The following GATA4 variants were observed in gnomAD, a reference collection of about 807,000 sequenced individuals.
GATA4 encodes the protein transcription factor GATA-4.
A neutral mutation model predicts 37.9 loss-of-function variants in GATA4; 7 were observed. The ratio of observed to expected loss-of-function variants is 0.18; its 90% CI spans 0.11 to 0.35. The LOEUF is 0.35. GATA4 is among the 10% of genes least tolerant of loss of function. The pLI is 1.00. For synonymous variants in GATA4, 372 were observed against 292.6 expected (o/e 1.27, Z -2.77); for missense variants, 647 against 653.0 (o/e 0.99, Z 0.10).
chr8:11,701,706 G>T (rs535999971), upstream of GATA4, among the ~76,000 whole-genome samples: 4 of 152,292 alleles, frequency 2.6e-5, no homozygotes, highest in South Asian at 8.3e-4. Flanking sequence ...AAGTTGGGGC[G>T]CTGGACCTAG....
chr8:11,694,742 T>C (rs1799454126), intron 1 of GATA4, among the ~76,000 whole-genome samples: 1 of 152,220 alleles, frequency 6.6e-6, no homozygotes, highest in African/African-American at 2.4e-5. Context: ...TCTGCCAGTC[T>C]TAACATCCAT....
rs1554499095 is a variant in GATA4 at position 11,758,335 on chromosome 8, C to T, written c.1192C>T (p.His398Tyr). The part of the protein sequence containing the change: ...SAMSGHGPSI[H>Y]PVLSALKLSP... ...GATGTCTGGCCATGGGCCCTCCATC[C>T]ACCCTGTCCTCTCGGCCCTGAAGCT... The change falls in exon 7 of 7, where the codon CAC becomes TAC. Residue 398 changes from histidine to tyrosine, a missense_variant. Physicochemically the swap from His to Tyr is moderately conservative, Grantham distance 83. Around this residue, in one of 5 missense-constraint regions of GATA4, gnomAD observed 184 missense variants for 157.1 expected, o/e 1.17. Transcript: ENST00000532059. The T allele has an allele frequency of 6.2e-7, 1 of 1,614,176 alleles. No individual in the cohort carries two copies. The highest frequency in any genetic ancestry group is 1.1e-5 in the South Asian group (1 of 91,082).
chr8:11,750,055 G>T, intron 3 of GATA4, 56 bp from the exon 4 acceptor site: 1 of 1,613,092 alleles, frequency 6.2e-7, no homozygotes. Context: ...ACGCGAGGTG[G>T]AAGGGCAGTG....
At chr8:11,733,986 G>A (rs1253557866) in intron 2 of GATA4, among the ~76,000 whole-genome samples, 4 of 152,262 alleles carry the variant, frequency 2.6e-5, no homozygotes, top group African/African-American at 9.6e-5. Flanking sequence ...TTTTGCCTTC[G>A]GCCTGCATGT....
In GATA4 at chr8:11,738,787, A is replaced by C. The variant is rs1801582830; in HGVS notation, c.617-10129A>C. 2.0e-5 allele frequency among the ~76,000 whole-genome samples: 3 copies of C among 152,174 alleles called. No homozygotes were observed. In the South Asian group the frequency reaches 6.2e-4, roughly 32 times the overall value. ...CAATGCCCAGGGTGTCTGCTTTCCC[A>C]CATCCCCCAACCCCAGGGCACAGTA... is the stretch of plus-strand genomic sequence containing the variant. On this transcript the variant is annotated intron_variant, in intron 2 of 6. Transcript: ENST00000532059.
Position 11,758,829 on chromosome 8 carries a change from A to C in GATA4, c.*354A>C, listed in dbSNP as rs867858. 0.32 allele frequency: 113,033 copies of C among 352,036 alleles called. 19,148 individuals are homozygous for C. The highest frequency in any genetic ancestry group is 0.55 in the East Asian group (7,660 of 13,948). 21.8% of individuals were successfully genotyped at this position (352,036 alleles called of 1,614,324 possible). On this transcript the variant is annotated 3_prime_UTR_variant, in exon 7 of 7. Transcript: ENST00000532059. Reference sequence around the variant, plus strand: ...TTTCTAGCACCGAGGATCTGAGAACAAGCGGAGGGCCGGGCCCTGGGACCC... The same window carrying C: ...TTTCTAGCACCGAGGATCTGAGAACCAGCGGAGGGCCGGGCCCTGGGACCC...
chr8:11,758,330 C>G lies in GATA4; in HGVS notation c.1187C>G (p.Ser396Cys). 6.2e-7 allele frequency: 1 copy of G among 1,614,170 alleles called. No individual in the cohort carries two copies. Among genetic ancestry groups the G allele is most frequent in the South Asian group, 1.1e-5 (1 of 91,074 alleles). The stretch of plus-strand genomic sequence containing the variant: ...AGTGCGATGTCTGGCCATGGGCCCT[C>G]CATCCACCCTGTCCTCTCGGCCCTG... ...SVSAMSGHGP[S>C]IHPVLSALKL... The change falls in exon 7 of 7, where the codon TCC becomes TGC. Residue 396 changes from serine to cysteine, a missense_variant. Ser to Cys is a moderately radical substitution (Grantham distance 112). Coordinates refer to ENST00000532059, the MANE Select transcript of GATA4 (RefSeq NM_001308093.3).
At chr8:11,746,928 G>A (rs1159823531) in intron 2 of GATA4, among the ~76,000 whole-genome samples, 1 of 152,252 alleles carries the variant, frequency 6.6e-6, no homozygotes, top group East Asian at 1.9e-4. Flanking sequence ...GTTTGCAGGT[G>A]CAAATGACTG....
intron 1 of GATA4, among the ~76,000 whole-genome samples, chr8:11,696,385 T>A (rs1451149363): frequency 2.0e-5 from 3 of 152,022 alleles, no homozygotes; most frequent in Non-Finnish European, 4.4e-5. Context: ...ATCTTTTGAA[T>A]ATTCTTTTAC....
intron 2 of GATA4, among the ~76,000 whole-genome samples, chr8:11,726,364 G>T (rs1216287365): frequency 1.3e-5 from 2 of 152,180 alleles, no homozygotes; most frequent in African/African-American, 4.8e-5. Flanking sequence ...AACCTAGAAG[G>T]CCAGGAAGCG....
At chr8:11,686,220 T>C in intron 1 of GATA4, among the ~76,000 whole-genome samples, 1 of 151,206 alleles carries the variant, frequency 6.6e-6, no homozygotes, top group Non-Finnish European at 1.5e-5. Context: ...GGGTCTGTTT[T>C]TTTTTTTTTA....
At chr8:11,694,979 G>C (rs1233340835) in intron 1 of GATA4, among the ~76,000 whole-genome samples, 1 of 152,200 alleles carries the variant, frequency 6.6e-6, no homozygotes, top group Non-Finnish European at 1.5e-5. Flanking sequence ...TATAATTGCT[G>C]TATATACAAG....
chr8:11,715,911 C>A (rs1209125448), intron 2 of GATA4, among the ~76,000 whole-genome samples: 1 of 152,138 alleles, frequency 6.6e-6, no homozygotes, highest in Non-Finnish European at 1.5e-5. Flanking sequence ...ATTCTATTTT[C>A]TTTTTCTTAT....
At chr8:11,743,295 G>A (rs1470576927) in intron 2 of GATA4, among the ~76,000 whole-genome samples, 9 of 152,254 alleles carry the variant, frequency 5.9e-5, no homozygotes, top group Non-Finnish European at 1.2e-4. Flanking sequence ...CTAGCACTTG[G>A]ACAGGGGCGC....
intron 1 of GATA4, chr8:11,697,671 C>G: frequency 1.0e-6 from 1 of 985,474 alleles, no homozygotes; most frequent in Non-Finnish European, 1.2e-6. Flanking sequence ...GGTCTTCGCG[C>G]CTGCGGACCA....
upstream of GATA4, among the ~76,000 whole-genome samples, chr8:11,701,709 G>A (rs1467902711): frequency 6.6e-6 from 1 of 152,178 alleles, no homozygotes; most frequent in East Asian, 1.9e-4. Context: ...TTGGGGCGCT[G>A]GACCTAGAGG....
chr8:11,690,894 A>T (rs1032667643), upstream of GATA4, among the ~76,000 whole-genome samples: 4 of 152,212 alleles, frequency 2.6e-5, no homozygotes, highest in African/African-American at 9.6e-5. Context: ...AAAAAAGGTT[A>T]TGTAAGAAGA....
intron 4 of GATA4, 113 bp from the exon 5 acceptor site, chr8:11,754,933 T>C (rs1802477595): frequency 1.2e-6 from 1 of 803,564 alleles, no homozygotes; most frequent in African/African-American, 1.7e-5. Context: ...GGCCCCAGGC[T>C]TTGTGGAGAG....
chr8:11,680,632 C>G lies in GATA4; in HGVS notation c.-274+3569C>G, dbSNP rs563103429. The G allele has an allele frequency of 9.1e-6, 9 of 985,324 alleles. No homozygotes were observed. The East Asian group carries it at 8.0e-4, about 87-fold the overall frequency. The allele number at this position is 985,324 out of a possible 1,614,324, so 61.0% of individuals were successfully genotyped here. A position where few individuals can be genotyped will look rare whatever the true frequency, so the allele number is the denominator to read the frequency against. Reference sequence around the variant, plus strand: ...GTCGGTGGCGTGACCTCTTGCCACGCCTGGCGCTGCTGGGAACGTGTCTCG... The same window carrying G: ...GTCGGTGGCGTGACCTCTTGCCACGGCTGGCGCTGCTGGGAACGTGTCTCG... On this transcript the variant is annotated intron_variant, in intron 1 of 6. Coordinates refer to the GATA4 transcript ENST00000528712.
Sources: gnomAD v4.1 joint callset for allele counts (sites outside exome capture counted in the v4.1 genomes callset) on GRCh38, gnomAD v4.1.1 for gene constraint, gnomAD v4.1.1 regional missense constraint, MANE v1.5 for transcripts, NCBI Gene and HGNC (gene_info 2026-07-23, HGNC 2026-07-21) for gene names.